UBE2H: variants seen among roughly 807,000 people sequenced by gnomAD.
UBE2H encodes the protein ubiquitin conjugating enzyme E2 H.
UBE2H carries 3 observed loss-of-function variants against 29.0 expected under a neutral mutation model. The observed-to-expected ratio is 0.10, with a 90% CI of 0.05 to 0.27. UBE2H has a LOEUF of 0.27. UBE2H is among the 10% of genes least tolerant of loss of function. UBE2H has a pLI of 1.00. For synonymous variants in UBE2H, 69 were observed against 82.9 expected, an observed-to-expected ratio of 0.83 and a Z score of 0.91; for missense variants, 68 against 228.2, an observed-to-expected ratio of 0.30 and a Z score of 4.52.
intron 5 of UBE2H, among the ~76,000 whole-genome samples, chr7:129,854,068 T>C (rs980591791): frequency 6.7e-4 from 100 of 148,820 alleles, no homozygotes; most frequent in African/African-American, 2.3e-3. Context: ...TAGTTTTTTT[T>C]TTTTTTTTTT....
chr7:129,930,404 C>G (rs776077962), intron 1 of UBE2H, among the ~76,000 whole-genome samples: 3 of 152,070 alleles, frequency 2.0e-5, no homozygotes, highest in Admixed American at 6.5e-5. Flanking sequence ...CCTCAGGTGA[C>G]CTGCCCACCT....
chr7:129,919,716 C>G (rs982239715), intron 1 of UBE2H, among the ~76,000 whole-genome samples: 2 of 152,192 alleles, frequency 1.3e-5, no homozygotes, highest in Non-Finnish European at 2.9e-5. Context: ...AAGTTCATCT[C>G]TCTCCTAGAA....
At chr7:129,930,909 CA>C (rs71175050) in intron 1 of UBE2H, among the ~76,000 whole-genome samples, 3,261 of 34,294 alleles carry the variant, frequency 0.095, 29 homozygotes, top group South Asian at 0.18. Flanking sequence ...CCCCGTCTCA[CA>C]AAAAAAAAAA....
At chr7:129,918,997 T>A (rs35596978) in intron 1 of UBE2H, among the ~76,000 whole-genome samples, 16,620 of 150,432 alleles carry the variant, frequency 0.11, 1,263 homozygotes, top group African/African-American at 0.22. Context: ...GGTAGAAGGA[T>A]CACTTGAGCC....
chr7:129,885,041 TGAGA>T (rs1204829814), intron 1 of UBE2H, among the ~76,000 whole-genome samples: 5 of 150,852 alleles, frequency 3.3e-5, no homozygotes, highest in African/African-American at 4.9e-5. Context: ...CACTCCAGCC[TGAGA>T]GAGAGAGAAC....
At chr7:129,926,808 C>T (rs906952058) in intron 1 of UBE2H, among the ~76,000 whole-genome samples, 2 of 152,186 alleles carry the variant, frequency 1.3e-5, no homozygotes, top group Non-Finnish European at 2.9e-5. Context: ...CTACTGGTTG[C>T]AGAGTGTCAG....
chr7:129,936,881 G>A (rs1001187485), intron 1 of UBE2H, among the ~76,000 whole-genome samples: 5 of 151,740 alleles, frequency 3.3e-5, no homozygotes, highest in African/African-American at 4.8e-5. Context: ...AGGAGGCTGA[G>A]GCAGGAAAAT....
chr7:129,874,349 G>A (rs1205739502), intron 3 of UBE2H, among the ~76,000 whole-genome samples: 1 of 141,832 alleles, frequency 7.1e-6, no homozygotes, highest in Non-Finnish European at 1.5e-5. Context: ...TCGCTCTGTT[G>A]CCCAGGCTGG....
chr7:129,886,943 T>C (rs953843129), intron 1 of UBE2H, among the ~76,000 whole-genome samples: 3 of 151,960 alleles, frequency 2.0e-5, no homozygotes, highest in Non-Finnish European at 4.4e-5. Flanking sequence ...AATAACCCAG[T>C]GTGGGTAGAA....
intron 1 of UBE2H, among the ~76,000 whole-genome samples, chr7:129,939,207 T>G (rs560925752): frequency 2.7e-4 from 41 of 152,312 alleles, no homozygotes; most frequent in Non-Finnish European, 5.0e-4. Context: ...CTCACTATAG[T>G]GCTCAGGTGG....
At chr7:129,942,895 T>C (rs1408176948) in intron 1 of UBE2H, among the ~76,000 whole-genome samples, 1 of 151,794 alleles carries the variant, frequency 6.6e-6, no homozygotes, top group African/African-American at 2.4e-5. Context: ...GGGGTTGGAG[T>C]GCAGTGGCAT....
rs575337380 is a variant in UBE2H, at chr7:129,836,454, C to T, written c.428-1393G>A. 5.3e-5 allele frequency among the ~76,000 whole-genome samples: 8 copies of T among 152,268 alleles called. No individual in the cohort carries two copies. The East Asian group carries it at 9.6e-4, about 18-fold the overall frequency. ...GTCACCAGAGGGAAGCAGTTACGGA[C>T]GAAAAACGGCCGAGGCAGTCCCAGC... On this transcript the variant is annotated intron_variant, in intron 6 of 6. Coordinates refer to ENST00000355621, the MANE Select transcript of UBE2H (RefSeq NM_003344.4).
chr7:129,895,333 C>T (rs925798572), intron 1 of UBE2H, among the ~76,000 whole-genome samples: 2 of 152,062 alleles, frequency 1.3e-5, no homozygotes, highest in African/African-American at 2.4e-5. Context: ...GAAACCATTG[C>T]GCACATGAGA....
intron 1 of UBE2H, among the ~76,000 whole-genome samples, chr7:129,912,585 G>A (rs1390234148): frequency 6.6e-6 from 1 of 152,114 alleles, no homozygotes; most frequent in Non-Finnish European, 1.5e-5. Context: ...AAATAATTCT[G>A]TACATGAAAC....
At chr7:129,937,978 T>C (rs1807564921) in intron 1 of UBE2H, among the ~76,000 whole-genome samples, 1 of 152,194 alleles carries the variant, frequency 6.6e-6, no homozygotes, top group Admixed American at 6.5e-5. Flanking sequence ...AATGTTTTAG[T>C]GTGCTTAAGT....
chr7:129,939,779 G>T (rs1437681696), intron 1 of UBE2H, among the ~76,000 whole-genome samples: 1 of 152,052 alleles, frequency 6.6e-6, no homozygotes, highest in African/African-American at 2.4e-5. Flanking sequence ...CCAACATGGT[G>T]AAACCCCATC....
At chr7:129,900,177 G>A (rs1466722480) in intron 1 of UBE2H, among the ~76,000 whole-genome samples, 1 of 151,700 alleles carries the variant, frequency 6.6e-6, no homozygotes, top group South Asian at 2.1e-4. Flanking sequence ...GCCCAAAATA[G>A]GATATGAAGT....
intron 1 of UBE2H, among the ~76,000 whole-genome samples, chr7:129,937,867 T>C (rs1293647201): frequency 1.3e-5 from 2 of 152,232 alleles, no homozygotes; most frequent in Non-Finnish European, 2.9e-5. Flanking sequence ...ATCAGGTTTG[T>C]AAAGTTAACA....
intron 1 of UBE2H, among the ~76,000 whole-genome samples, chr7:129,926,353 T>C (rs1344175914): frequency 1.3e-5 from 2 of 151,530 alleles, no homozygotes; most frequent in African/African-American, 4.9e-5. Context: ...CTACTAAAAA[T>C]ACAAAATTAG....
Sources: allele counts gnomAD v4.1 joint callset (sites outside exome capture counted in the v4.1 genomes callset), GRCh38; gene constraint gnomAD v4.1.1; transcripts MANE v1.5; gene names NCBI Gene and HGNC (gene_info 2026-07-23, HGNC 2026-07-21).